ADAMTS2: variants seen among roughly 807,000 people sequenced by gnomAD.
ADAMTS2 encodes A disintegrin and metalloproteinase with thrombospondin motifs 2.
In ADAMTS2, 50 loss-of-function variants were observed where a neutral mutation model predicts 123.0. That is an observed-to-expected ratio of 0.41 (90% CI 0.32 to 0.51). ADAMTS2 has a LOEUF of 0.51. Among genes scored for constraint, ADAMTS2 ranks in the 20% least tolerant of loss-of-function variants. The pLI, the probability that ADAMTS2 is intolerant of heterozygous loss-of-function variation, is 0.35. For synonymous variants in ADAMTS2, 678 were observed against 695.4 expected, an observed-to-expected ratio of 0.98 and a Z score of 0.39; for missense variants, 1,494 against 1,705.2, an observed-to-expected ratio of 0.88 and a Z score of 2.18.
At chr5:179,233,583 A>G (rs1765460837) in intron 3 of ADAMTS2, among the ~76,000 whole-genome samples, 2 of 152,192 alleles carry the variant, frequency 1.3e-5, no homozygotes, top group African/African-American at 4.8e-5. Flanking sequence ...GCTACTCGGG[A>G]GGCTGGAGGC....
intron 3 of ADAMTS2, among the ~76,000 whole-genome samples, chr5:179,227,643 A>G (rs1471302532): frequency 6.6e-6 from 1 of 152,120 alleles, no homozygotes; most frequent in African/African-American, 2.4e-5. Context: ...GCCCAGACAC[A>G]GAGAGGGAAC....
intron 4 of ADAMTS2, among the ~76,000 whole-genome samples, chr5:179,200,287 C>T (rs973156262): frequency 1.7e-4 from 22 of 128,740 alleles, no homozygotes; most frequent in South Asian, 1.5e-3. Context: ...CTCACTCTGT[C>T]GCCCAGACTG....
At chr5:179,279,345 C>T (rs2113526282) in intron 2 of ADAMTS2, among the ~76,000 whole-genome samples, 1 of 152,346 alleles carries the variant, frequency 6.6e-6, no homozygotes, top group Middle Eastern at 3.4e-3. Context: ...AATACACACA[C>T]AGCACGCACC....
At chr5:179,267,060 T>C (rs1227573604) in intron 3 of ADAMTS2, among the ~76,000 whole-genome samples, 2 of 152,150 alleles carry the variant, frequency 1.3e-5, no homozygotes, top group Admixed American at 6.5e-5. Flanking sequence ...CACAGCTCTC[T>C]GCCTCCAGCC....
At chr5:179,299,991 G>T (rs1163277791) in intron 2 of ADAMTS2, among the ~76,000 whole-genome samples, 4 of 151,846 alleles carry the variant, frequency 2.6e-5, no homozygotes, top group Non-Finnish European at 5.9e-5. Context: ...CTACTCTGGA[G>T]GCTGAGGCAG....
chr5:179,338,564 G>C (rs1757684588), intron 2 of ADAMTS2, among the ~76,000 whole-genome samples: 2 of 152,318 alleles, frequency 1.3e-5, no homozygotes, highest in South Asian at 4.1e-4. Flanking sequence ...CTGGAGTTCT[G>C]CCTCCTGCAG....
At chr5:179,145,203 A>G (rs1213260719) in intron 10 of ADAMTS2, among the ~76,000 whole-genome samples, 2 of 152,224 alleles carry the variant, frequency 1.3e-5, no homozygotes, top group African/African-American at 2.4e-5. Context: ...ATCACTTCAC[A>G]TGCACTAGGA....
In ADAMTS2 at chr5:179,124,958, C is replaced by T. The variant is rs1561767388; in HGVS notation, c.2958+15G>A. On this transcript the variant is annotated intron_variant, in intron 19 of 21. Transcript: ENST00000251582. ...AGTTTTGGAGCTGAGGACACGGGAT[C>T]GGGGGATTGCGTACCTGGGACCAGG... is the stretch of plus-strand genomic sequence containing the variant. The T allele has an allele frequency of 4.4e-6, 7 of 1,598,918 alleles. No homozygotes were observed. The highest frequency in any genetic ancestry group is 2.8e-5 in the African/African-American group (2 of 72,250).
intron 2 of ADAMTS2, among the ~76,000 whole-genome samples, chr5:179,287,222 T>C (rs986364386): frequency 6.6e-6 from 1 of 152,108 alleles, no homozygotes; most frequent in African/African-American, 2.4e-5. Context: ...AAATCCAGCA[T>C]GGAGGAAAGC....
rs35847485 is a variant in ADAMTS2, at chr5:179,189,350, ATTT to A, written c.892-8198_892-8196del. Among the ~76,000 whole-genome samples the A allele has an allele frequency of 7.1e-6, 1 of 141,648 alleles. No homozygotes were observed. The highest frequency in any genetic ancestry group is 1.6e-5 in the Non-Finnish European group (1 of 64,404). The allele number at this position is 141,648 out of a possible 152,430, so 92.9% of individuals were successfully genotyped here. A position where few individuals can be genotyped will look rare whatever the true frequency, so the allele number is the denominator to read the frequency against. On this transcript the variant is annotated intron_variant, in intron 4 of 21. Transcript: ENST00000251582. The surrounding 1 kb of genome is among the most constrained non-coding windows in gnomAD (Gnocchi z 4.2). ...GGGATAGACGGTGGAGTTAGGAGCA[ATTT>A]TTTTTTTTTTTTGAGACGGAGTCTC...
At position 179,181,711 on chromosome 5, in the gene ADAMTS2, G is replaced by A. The variant is rs1482706566; in HGVS notation, c.892-556C>T. On this transcript the variant is annotated intron_variant, in intron 4 of 21. Transcript: ENST00000251582. The surrounding 1 kb of genome is among the most constrained non-coding windows in gnomAD (Gnocchi z 4.1). Reference sequence around the variant, plus strand: ...ATCCCCAATGTGCTCTCCCTGTTCTGTTTTGATGGCTGGAGCTCCTGCAGT... The same window carrying A: ...ATCCCCAATGTGCTCTCCCTGTTCTATTTTGATGGCTGGAGCTCCTGCAGT... Among the ~76,000 whole-genome samples the A allele has an allele frequency of 1.3e-5, 2 of 152,192 alleles. No homozygotes were observed. The highest frequency in any genetic ancestry group is 2.9e-5 in the Non-Finnish European group (2 of 68,038).
At chr5:179,284,667 G>T (rs190520307) in intron 2 of ADAMTS2, among the ~76,000 whole-genome samples, 131 of 152,322 alleles carry the variant, frequency 8.6e-4, no homozygotes, top group African/African-American at 3.0e-3. Flanking sequence ...GATTACAGGT[G>T]TGAACCACCG....
rs967833827 is a variant in ADAMTS2, at chr5:179,170,317, A to G, written c.975+10755T>C. 1.3e-5 allele frequency among the ~76,000 whole-genome samples: 2 copies of G among 152,096 alleles called. No homozygotes were observed. Among genetic ancestry groups the G allele is most frequent in the African/African-American group, 2.4e-5 (1 of 41,414 alleles). On this transcript the variant is annotated intron_variant, in intron 5 of 21. Coordinates refer to ENST00000251582, the MANE Select transcript of ADAMTS2 (RefSeq NM_014244.5). The surrounding 1 kb of genome is among the most constrained non-coding windows in gnomAD (Gnocchi z 4.3). ...CTATTTCTGTCACAATTTGGGATGA[A>G]TAACAGGAACCGAGTATCTGGGCCA...
intron 3 of ADAMTS2, among the ~76,000 whole-genome samples, chr5:179,265,519 G>T (rs956851737): frequency 1.3e-5 from 2 of 152,312 alleles, no homozygotes; most frequent in African/African-American, 4.8e-5. Flanking sequence ...TGCAAGCCTC[G>T]CTTCTGCCTT....
intron 2 of ADAMTS2, among the ~76,000 whole-genome samples, chr5:179,300,910 G>GT (rs1263749926): frequency 1.3e-5 from 2 of 152,208 alleles, no homozygotes; most frequent in Non-Finnish European, 2.9e-5. Flanking sequence ...GGAGCCAGAA[G>GT]AAAGCCAATT....
At chr5:179,131,142 C>G (rs1482854566) in intron 15 of ADAMTS2, among the ~76,000 whole-genome samples, 4 of 151,600 alleles carry the variant, frequency 2.6e-5, no homozygotes, top group African/African-American at 9.7e-5. Flanking sequence ...GAAACCCCGT[C>G]TCTAGTAAAA....
intron 5 of ADAMTS2, among the ~76,000 whole-genome samples, chr5:179,176,436 C>T (rs959758086): frequency 6.6e-6 from 1 of 152,198 alleles, no homozygotes; most frequent in Non-Finnish European, 1.5e-5. Context: ...CACCAGGTAC[C>T]TCTAACTGCA....
chr5:179,276,700 C>T (rs1336716493), intron 2 of ADAMTS2, among the ~76,000 whole-genome samples: 1 of 152,212 alleles, frequency 6.6e-6, no homozygotes, highest in South Asian at 2.1e-4. Context: ...AGAACTCACA[C>T]CTACACGGAA....
chr5:179,339,392 C>G (rs1399571361), intron 2 of ADAMTS2, among the ~76,000 whole-genome samples: 1 of 152,212 alleles, frequency 6.6e-6, no homozygotes, highest in African/African-American at 2.4e-5. Flanking sequence ...AGAGGCAGGG[C>G]TGAGAAATGG....
Sources: gnomAD v4.1 joint callset for allele counts (sites outside exome capture counted in the v4.1 genomes callset) on GRCh38, gnomAD v4.1.1 for gene constraint, Gnocchi (gnomAD v3.1) non-coding constraint, MANE v1.5 for transcripts, NCBI Gene and HGNC (gene_info 2026-07-23, HGNC 2026-07-21) for gene names.